CSF1: variants seen among roughly 807,000 people sequenced by gnomAD.
CSF1 encodes macrophage colony-stimulating factor 1.
In CSF1, 9 loss-of-function variants were observed where a neutral mutation model predicts 48.9. That is an observed-to-expected ratio of 0.18 (90% CI 0.11 to 0.32). The LOEUF (loss-of-function observed/expected upper bound fraction) is 0.32, where lower values mean the gene tolerates loss of function less well. Ranked by LOEUF, CSF1 falls within the 10% of genes least tolerant of loss-of-function variation. CSF1 has a pLI of 1.00. For missense variants in CSF1, 672 were observed against 697.9 expected, an observed-to-expected ratio of 0.96 and a Z score of 0.42; for synonymous variants, 305 against 284.1, an observed-to-expected ratio of 1.07 and a Z score of -0.74.
At chr1:109,921,695 C>T (rs1647550424) in intron 4 of CSF1, 152 bp from the exon 5 acceptor site, 1 of 915,114 alleles carries the variant, frequency 1.1e-6, no homozygotes, top group African/African-American at 1.7e-5. Context: ...AACCTCAGGA[C>T]TCATTCTGCT....
intron 1 of CSF1, among the ~76,000 whole-genome samples, chr1:109,911,851 C>T (rs971080826): frequency 1.3e-5 from 2 of 152,186 alleles, no homozygotes; most frequent in African/African-American, 2.4e-5. Flanking sequence ...GCAGGGTCTG[C>T]TCCTGACTGC....
rs1046840829 is a variant in CSF1, at chr1:109,925,132, G to C, written c.1623-15G>C. The C allele has an allele frequency of 4.3e-6, 7 of 1,613,218 alleles. No individual in the cohort carries two copies. The highest frequency in any genetic ancestry group is 1.7e-5 in the Admixed American group (1 of 59,990). On this transcript the variant is annotated splice_polypyrimidine_tract_variant and intron_variant, in intron 7 of 8. Transcript: ENST00000329608. ...CCTGCTGATGTCTAATACCAGCCCTGTGCTCTGCCTGCAGCCCCCTGACTC... is the reference window on the plus strand; with the variant it reads ...CCTGCTGATGTCTAATACCAGCCCTCTGCTCTGCCTGCAGCCCCCTGACTC...
intron 8 of CSF1, 132 bp from the exon 9 acceptor site, chr1:109,928,720 G>C (rs554121037): frequency 2.0e-5 from 3 of 152,764 alleles, no homozygotes. Context: ...AAAGGCCAGG[G>C]AAGGGAGGAA....
At chr1:109,919,566 G>A (rs1006240912) in intron 4 of CSF1, among the ~76,000 whole-genome samples, 3 of 152,086 alleles carry the variant, frequency 2.0e-5, no homozygotes, top group African/African-American at 7.2e-5. Context: ...TTAAATCTGC[G>A]GTTTTCCAAC....
In CSF1 at chr1:109,923,490, G is replaced by C; in HGVS notation, c.869G>C (p.Gly290Ala). 1 of 1,614,126 alleles carries C rather than the reference G, an allele frequency of 6.2e-7. No individual in the cohort carries two copies. The highest frequency in any genetic ancestry group is 8.5e-7 in the Non-Finnish European group (1 of 1,180,004). The change falls in exon 6 of 9, where the codon GGG becomes GCG. Residue 290 changes from glycine (G) to alanine (A), a missense_variant. Physicochemically the swap from Gly to Ala is moderately conservative, Grantham distance 60 (BLOSUM62 0). This residue lies in a region of CSF1 where 591 missense variants were observed against 593.6 expected (regional missense o/e 1.00). Transcript: ENST00000329608. ...PRPSVGAFNP[G>A]MEDILDSAMG... Reference sequence around the variant, plus strand: ...CCCTCTGTCGGGGCCTTCAACCCCGGGATGGAGGATATTCTTGACTCTGCA... The same window carrying C: ...CCCTCTGTCGGGGCCTTCAACCCCGCGATGGAGGATATTCTTGACTCTGCA...
chr1:109,916,529 T>C (rs1172934400), intron 3 of CSF1, among the ~76,000 whole-genome samples: 2 of 152,206 alleles, frequency 1.3e-5, no homozygotes, highest in African/African-American at 4.8e-5. Context: ...ACAAGCTCTT[T>C]CCAATGACTG....
rs1648009017 is a variant in CSF1, at chr1:109,930,145, C to G, written c.*1307C>G. On this transcript the variant is annotated 3_prime_UTR_variant, in exon 9 of 9. Coordinates refer to ENST00000329608, the MANE Select transcript of CSF1 (RefSeq NM_000757.6). ...TCAGGAGCCCTGGACTGGGCTGCATCTCAGCCCCACCTGCATGGTATCCAG... is the reference window on the plus strand; with the variant it reads ...TCAGGAGCCCTGGACTGGGCTGCATGTCAGCCCCACCTGCATGGTATCCAG... 1 of 152,334 alleles carries G rather than the reference C, an allele frequency of 6.6e-6. No individual in the cohort carries two copies. Among genetic ancestry groups the G allele is most frequent in the Admixed American group, 6.5e-5 (1 of 15,288 alleles). 9.4% of individuals were successfully genotyped at this position (152,334 alleles called of 1,614,324 possible). A position where few individuals can be genotyped will look rare whatever the true frequency, so the allele number is the denominator to read the frequency against.
intron 4 of CSF1, 91 bp downstream of exon 4, chr1:109,917,554 C>T (rs1440113630): frequency 8.1e-7 from 1 of 1,233,834 alleles, no homozygotes; most frequent in Non-Finnish European, 1.1e-6. Context: ...TACATTCGCT[C>T]ACCTCGCCTC....
At chr1:109,928,695 C>G (rs568467840) in intron 8 of CSF1, among the ~76,000 whole-genome samples, 157 bp from the exon 9 acceptor site, 1 of 152,118 alleles carries the variant, frequency 6.6e-6, no homozygotes, top group East Asian at 1.9e-4. Flanking sequence ...TGCCTGGTCT[C>G]TCTGTGGTGT....
intron 6 of CSF1, 29 bp downstream of exon 6, chr1:109,924,219 C>G (rs1428192078): frequency 6.4e-7 from 1 of 1,567,018 alleles, no homozygotes; most frequent in Admixed American, 1.8e-5. Context: ...GGAAGAAGAG[C>G]ACGTCCCTTA....
intron 4 of CSF1, among the ~76,000 whole-genome samples, chr1:109,918,168 G>A (rs900415966): frequency 6.6e-6 from 1 of 152,144 alleles, no homozygotes; most frequent in African/African-American, 2.4e-5. Flanking sequence ...AAGCAGTAAG[G>A]CTAGAAGAAC....
rs1647784417 is a variant in CSF1 at position 109,925,129 on chromosome 1, C to G, written c.1623-18C>G. ...GCTCCTGCTGATGTCTAATACCAGC[C>G]CTGTGCTCTGCCTGCAGCCCCCTGA... On this transcript the variant is annotated intron_variant, in intron 7 of 8. Transcript: ENST00000329608. 2 of 1,612,820 alleles carry G rather than the reference C, an allele frequency of 1.2e-6. No individual in the cohort carries two copies. Among genetic ancestry groups the G allele is most frequent in the South Asian group, 2.2e-5 (2 of 91,028 alleles).
intron 8 of CSF1, 65 bp downstream of exon 8, chr1:109,925,267 C>CAACAGGTGAACG: frequency 7.3e-7 from 1 of 1,376,014 alleles, no homozygotes; most frequent in Non-Finnish European, 1.0e-6. Context: ...TCACGTTCAC[C>CAACAGGTGAACG]TGTTGGTGAC....
intron 2 of CSF1, 136 bp from the exon 3 acceptor site, chr1:109,915,498 C>A: frequency 1.4e-6 from 1 of 708,188 alleles, no homozygotes; most frequent in Non-Finnish European, 2.6e-6. Context: ...TTGACTCTGT[C>A]TTTCCACGTG....
At chr1:109,918,527 A>G (rs1004474463) in intron 4 of CSF1, among the ~76,000 whole-genome samples, 1 of 152,216 alleles carries the variant, frequency 6.6e-6, no homozygotes, top group Non-Finnish European at 1.5e-5. Flanking sequence ...GGGACAGTGA[A>G]GGTGGAGGCA....
chr1:109,919,302 A>G (rs1214737189), intron 4 of CSF1, among the ~76,000 whole-genome samples: 1 of 152,142 alleles, frequency 6.6e-6, no homozygotes, highest in Non-Finnish European at 1.5e-5. Context: ...TCAGCGGCGC[A>G]ATCACGACTC....
chr1:109,917,145 T>C, intron 3 of CSF1, 148 bp from the exon 4 acceptor site: 1 of 750,402 alleles, frequency 1.3e-6, no homozygotes, highest in South Asian at 1.7e-5. Context: ...ACAGGCAAGC[T>C]GAGGGCGGCA....
Position 109,922,121 on chromosome 1 carries a change from C to T in CSF1, c.544+127C>T, listed in dbSNP as rs1391607474. The stretch of plus-strand genomic sequence containing the variant: ...TGGCTGCTACTCGTGTTCCCGTGTG[C>T]ATGAATGTGCTTGTTCTGTGTATAT... On this transcript the variant is annotated intron_variant, in intron 5 of 8. Coordinates refer to ENST00000329608, the MANE Select transcript of CSF1 (RefSeq NM_000757.6). 8 of 1,104,508 alleles carry T rather than the reference C, an allele frequency of 7.2e-6. No individual in the cohort carries two copies. In the Admixed American group the frequency reaches 1.4e-4, roughly 19 times the overall value. The allele number at this position is 1,104,508 out of a possible 1,614,324, so 68.4% of individuals were successfully genotyped here. A position where few individuals can be genotyped will look rare whatever the true frequency, so the allele number is the denominator to read the frequency against.
At position 109,915,751 on chromosome 1, in the gene CSF1, G is replaced by A. The variant is rs12721514; in HGVS notation, c.225+55G>A. 593 of 1,394,276 alleles carry A rather than the reference G, an allele frequency of 4.3e-4. 6 individuals carry two copies. The East Asian group carries it at 0.01, about 24-fold the overall frequency. The allele number at this position is 1,394,276 out of a possible 1,614,324, so 86.4% of individuals were successfully genotyped here. A position where few individuals can be genotyped will look rare whatever the true frequency, so the allele number is the denominator to read the frequency against. ...CACCAGCCTGCATGCAACTCCCAGG[G>A]TGGGGTGTGTGGGGGAGCATGAAAG... On this transcript the variant is annotated intron_variant, in intron 3 of 8. Coordinates refer to ENST00000329608, the MANE Select transcript of CSF1 (RefSeq NM_000757.6).
Sources: gnomAD v4.1 joint callset for allele counts (sites outside exome capture counted in the v4.1 genomes callset) on GRCh38, gnomAD v4.1.1 for gene constraint, gnomAD v4.1.1 regional missense constraint, MANE v1.5 for transcripts, NCBI Gene and HGNC (gene_info 2026-07-23, HGNC 2026-07-21) for gene names.